RPS6KC1: variants seen among roughly 807,000 people sequenced by gnomAD.
RPS6KC1 encodes inactive ribosomal protein S6 kinase delta-1.
RPS6KC1 carries 54 observed loss-of-function variants against 103.8 expected under a neutral mutation model. That is an observed-to-expected ratio of 0.52 (90% confidence interval 0.42 to 0.65). RPS6KC1 has a LOEUF of 0.65. Ranked by LOEUF, RPS6KC1 falls within the 30% of genes least tolerant of loss-of-function variation. The pLI, the probability that RPS6KC1 is intolerant of heterozygous loss-of-function variation, is 0.00. For missense variants in RPS6KC1, 1,151 were observed against 1,253.8 expected, an observed-to-expected ratio of 0.92 and a Z score of 1.24; for synonymous variants, 439 against 438.7, an observed-to-expected ratio of 1.00 and a Z score of -0.01.
At chr1:213,264,388 C>T (rs188838720) in intron 14 of RPS6KC1, among the ~76,000 whole-genome samples, 29 of 152,070 alleles carry the variant, frequency 1.9e-4, no homozygotes, top group Admixed American at 5.2e-4. Context: ...CGTTGTGGCA[C>T]GAGATAAATT....
intron 14 of RPS6KC1, among the ~76,000 whole-genome samples, chr1:213,271,175 C>T (rs2095039384): frequency 6.6e-6 from 1 of 152,124 alleles, no homozygotes; most frequent in African/African-American, 2.4e-5. Context: ...ACTGGAAAGT[C>T]TAAGTATCTA....
At chr1:213,336,963 A>G in the RPS6KC1 span, among the ~76,000 whole-genome samples, 1 of 152,226 alleles carries the variant, frequency 6.6e-6, no homozygotes, top group South Asian at 2.1e-4. Context: ...AAGGGGTGAC[A>G]GTATCTCTCT....
the RPS6KC1 span, among the ~76,000 whole-genome samples, chr1:213,532,546 T>A: frequency 6.6e-6 from 1 of 152,184 alleles, no homozygotes; most frequent in South Asian, 2.1e-4. Flanking sequence ...AGGTTTCTGC[T>A]TACTAAGAAC....
intron 1 of RPS6KC1, among the ~76,000 whole-genome samples, chr1:213,057,686 GT>G (rs1165666353): frequency 6.3e-5 from 9 of 143,792 alleles, no homozygotes; most frequent in Non-Finnish European, 1.4e-4. Flanking sequence ...TTTTTTTGGG[GT>G]TTGATATGAC....
intron 6 of RPS6KC1, among the ~76,000 whole-genome samples, chr1:213,150,868 C>T (rs963633382): frequency 6.6e-6 from 1 of 152,116 alleles, no homozygotes; most frequent in African/African-American, 2.4e-5. Context: ...CAGAGGGGCT[C>T]CTCACTTCCC....
chr1:213,327,217 A>G, the RPS6KC1 span, among the ~76,000 whole-genome samples: 46 of 143,682 alleles, frequency 3.2e-4, no homozygotes, highest in Non-Finnish European at 1.4e-4. Flanking sequence ...AGCTGCTCAA[A>G]TGGGGAAAGA....
chr1:213,836,402 T>C, the RPS6KC1 span, among the ~76,000 whole-genome samples: 1 of 152,126 alleles, frequency 6.6e-6, no homozygotes, highest in Non-Finnish European at 1.5e-5. Flanking sequence ...GTTGAAGACA[T>C]GCACAACCAC....
chr1:213,375,219 A>G, the RPS6KC1 span, among the ~76,000 whole-genome samples: 2 of 152,004 alleles, frequency 1.3e-5, no homozygotes, highest in African/African-American at 2.4e-5. Flanking sequence ...ACATACATAC[A>G]TATTCACATA....
the RPS6KC1 span, among the ~76,000 whole-genome samples, chr1:213,407,316 C>G: frequency 6.6e-6 from 1 of 152,112 alleles, no homozygotes; most frequent in East Asian, 1.9e-4. Context: ...GAGTAAATTA[C>G]TTGGGAAGCC....
At chr1:213,547,451 C>G in the RPS6KC1 span, among the ~76,000 whole-genome samples, 130 of 152,164 alleles carry the variant, frequency 8.5e-4, no homozygotes, top group Non-Finnish European at 1.3e-3. Flanking sequence ...TTTGGAAAAC[C>G]ATTTGACGTT....
the RPS6KC1 span, among the ~76,000 whole-genome samples, chr1:213,676,483 G>A: frequency 3.9e-5 from 6 of 152,324 alleles, no homozygotes; most frequent in Admixed American, 2.6e-4. Context: ...TCAGACGGAA[G>A]GAGAGGATGT....
At chr1:213,583,900 T>A in the RPS6KC1 span, among the ~76,000 whole-genome samples, 1 of 145,980 alleles carries the variant, frequency 6.9e-6, no homozygotes, top group Non-Finnish European at 1.5e-5. Context: ...TCCCCCAGAG[T>A]ATCTGATTTG....
chr1:213,421,747 A>G, the RPS6KC1 span, among the ~76,000 whole-genome samples: 4 of 152,186 alleles, frequency 2.6e-5, no homozygotes, highest in Admixed American at 2.6e-4. Flanking sequence ...GGTGCTCCCA[A>G]CACTTCTGTG....
At chr1:213,082,426 A>C (rs1036381241) in intron 3 of RPS6KC1, among the ~76,000 whole-genome samples, 2 of 151,734 alleles carry the variant, frequency 1.3e-5, no homozygotes, top group African/African-American at 2.4e-5. Flanking sequence ...GCGAGACTCC[A>C]TCCCAAAAAA....
the RPS6KC1 span, among the ~76,000 whole-genome samples, chr1:213,509,355 C>A: frequency 6.7e-6 from 1 of 148,200 alleles, no homozygotes; most frequent in East Asian, 2.0e-4. Flanking sequence ...TTTTTTTCTT[C>A]TAAGAATTAG....
chr1:213,859,320 A>T, the RPS6KC1 span, among the ~76,000 whole-genome samples: 1 of 152,160 alleles, frequency 6.6e-6, no homozygotes, highest in African/African-American at 2.4e-5. Flanking sequence ...ATTCATATTC[A>T]TTTAGCAAAA....
At chr1:213,425,877 T>C in the RPS6KC1 span, among the ~76,000 whole-genome samples, 1 of 152,112 alleles carries the variant, frequency 6.6e-6, no homozygotes, top group Non-Finnish European at 1.5e-5. Flanking sequence ...TGCTGAAGGA[T>C]GGTGACCAGC....
intron 3 of RPS6KC1, among the ~76,000 whole-genome samples, chr1:213,083,763 G>A (rs144919751): frequency 2.0e-5 from 3 of 152,092 alleles, no homozygotes; most frequent in Non-Finnish European, 4.4e-5. Flanking sequence ...CTGTCTCCTG[G>A]TGTTTATGTT....
the RPS6KC1 span, among the ~76,000 whole-genome samples, chr1:213,471,499 A>T: frequency 6.6e-6 from 1 of 152,196 alleles, no homozygotes; most frequent in Non-Finnish European, 1.5e-5. Flanking sequence ...GAGAAGGACG[A>T]CATCAAGTCC....
Sources: gnomAD v4.1 joint callset for allele counts (sites outside exome capture counted in the v4.1 genomes callset) on GRCh38, gnomAD v4.1.1 for gene constraint, MANE v1.5 for transcripts, NCBI Gene and HGNC (gene_info 2026-07-23, HGNC 2026-07-21) for gene names.